The following DNAH14 variants were observed in gnomAD, a reference collection of about 807,000 sequenced individuals.
DNAH14 encodes axonemal beta dynein heavy chain 14.
DNAH14 carries 478 observed loss-of-function variants against 520.9 expected under a neutral mutation model. The observed-to-expected ratio is 0.92, with a 90% CI of 0.85 to 0.99. The LOEUF (loss-of-function observed/expected upper bound fraction) is 0.99, where lower values mean the gene tolerates loss of function less well. DNAH14 is among the 50% of genes least tolerant of loss of function. DNAH14 has a pLI of 0.00. For missense variants in DNAH14, 4,831 were observed against 5,234.5 expected, an observed-to-expected ratio of 0.92 and a Z score of 2.38; for synonymous variants, 1,581 against 1,757.2, an observed-to-expected ratio of 0.90 and a Z score of 2.51.
At chr1:225,031,672 G>A (rs538962009) in intron 11 of DNAH14, among the ~76,000 whole-genome samples, 9 of 83,850 alleles carry the variant, frequency 1.1e-4, no homozygotes, top group African/African-American at 2.3e-4. Context: ...CACTTCCATG[G>A]TACTGCTAAA....
At chr1:225,331,367 T>C in intron 64 of DNAH14, 70 bp from the exon 65 acceptor site, 2 of 1,434,172 alleles carry the variant, frequency 1.4e-6, no homozygotes, top group Middle Eastern at 2.0e-4. Context: ...TTTATATAAA[T>C]GACAGCTAAA....
At chr1:225,393,758 T>C (rs1181714591) in intron 84 of DNAH14, among the ~76,000 whole-genome samples, 1 of 152,158 alleles carries the variant, frequency 6.6e-6, no homozygotes, top group Non-Finnish European at 1.5e-5. Context: ...CACTCGGTAT[T>C]TTTAGTGTTT....
Position 224,945,256 on chromosome 1 carries a change from C to T in DNAH14, c.-33-7414C>T, listed in dbSNP as rs149090112. On this transcript the variant is annotated intron_variant, in intron 1 of 85. Coordinates refer to ENST00000682510, the MANE Select transcript of DNAH14 (RefSeq NM_001367479.1). ...ATTTCATTCATTTGATCTTCCATCA[C>T]GGATACTCTTCCTTCCAGTTGATCG... Among the ~76,000 whole-genome samples the T allele has an allele frequency of 2.1e-3, 323 of 152,234 alleles. 1 individual carries two copies. Among genetic ancestry groups the T allele is most frequent in the African/African-American group, 7.4e-3 (309 of 41,528 alleles).
At chr1:225,002,707 C>T (rs2063855587) in intron 8 of DNAH14, 76 bp from the exon 9 acceptor site, 1 of 1,362,728 alleles carries the variant, frequency 7.3e-7, no homozygotes, top group Admixed American at 2.3e-5. Flanking sequence ...ATTAACTAAA[C>T]CACACTACTT....
intron 44 of DNAH14, among the ~76,000 whole-genome samples, chr1:225,256,447 A>T (rs1452143556): frequency 6.6e-6 from 1 of 152,118 alleles, no homozygotes; most frequent in African/African-American, 2.4e-5. Context: ...ATAAATAAAT[A>T]AAATAAAATA....
chr1:225,120,390 T>C (rs143264825), intron 26 of DNAH14, among the ~76,000 whole-genome samples: 2,252 of 152,304 alleles, frequency 0.015, 24 homozygotes, highest in South Asian at 0.022. Flanking sequence ...AGGAAAAATT[T>C]TGGGAGGTTC....
chr1:225,393,976 A>G (rs565827449), intron 84 of DNAH14, among the ~76,000 whole-genome samples: 183 of 150,444 alleles, frequency 1.2e-3, no homozygotes, highest in East Asian at 0.011. Flanking sequence ...CCACCACCAC[A>G]CCCGGCTAAT....
At chr1:225,234,189 A>G (rs911322298) in intron 42 of DNAH14, among the ~76,000 whole-genome samples, 1 of 152,088 alleles carries the variant, frequency 6.6e-6, no homozygotes, top group Non-Finnish European at 1.5e-5. Context: ...TGGTTACTGT[A>G]GCCTTGTAGT....
intron 46 of DNAH14, among the ~76,000 whole-genome samples, chr1:225,260,249 G>C (rs1169347115): frequency 6.6e-6 from 1 of 151,852 alleles, no homozygotes; most frequent in Non-Finnish European, 1.5e-5. Context: ...CTACTCGGAA[G>C]ACTGAGGCAG....
At chr1:224,968,728 TA>T (rs1338074160) in intron 6 of DNAH14, 30 bp from the exon 7 acceptor site, 1 of 1,260,382 alleles carries the variant, frequency 7.9e-7, no homozygotes, top group Non-Finnish European at 1.1e-6. Flanking sequence ...TTTAAAGAAA[TA>T]AAATAATGCT....
chr1:225,278,430 G>A (rs368957931), intron 54 of DNAH14, among the ~76,000 whole-genome samples: 105 of 152,192 alleles, frequency 6.9e-4, no homozygotes, highest in Admixed American at 2.1e-3. Context: ...CAGCCACCAC[G>A]CTATTTAAGC....
intron 20 of DNAH14, among the ~76,000 whole-genome samples, chr1:225,083,131 A>G (rs756370830): frequency 6.6e-6 from 1 of 152,148 alleles, no homozygotes; most frequent in Non-Finnish European, 1.5e-5. Flanking sequence ...CTTAACATAT[A>G]TATAACTTGA....
intron 37 of DNAH14, among the ~76,000 whole-genome samples, chr1:225,191,529 G>T (rs1461765108): frequency 6.9e-6 from 1 of 144,086 alleles, no homozygotes; most frequent in African/African-American, 2.6e-5. Context: ...TATAATGTGT[G>T]GATCTCTTTG....
At chr1:225,393,218 G>T (rs985074518) in intron 84 of DNAH14, among the ~76,000 whole-genome samples, 1 of 152,158 alleles carries the variant, frequency 6.6e-6, no homozygotes, top group Non-Finnish European at 1.5e-5. Context: ...ACACCCACTA[G>T]GTTGGCTATA....
chr1:225,395,777 T>C (rs1462290075), intron 84 of DNAH14: 2 of 152,412 alleles, frequency 1.3e-5, no homozygotes, highest in Non-Finnish European at 1.5e-5. Flanking sequence ...GGTGCTTTCA[T>C]AGTTGCATTC....
chr1:225,215,161 A>G (rs1397994054), intron 41 of DNAH14, among the ~76,000 whole-genome samples: 1 of 151,806 alleles, frequency 6.6e-6, no homozygotes, highest in East Asian at 1.9e-4. Flanking sequence ...TCATTTCGTT[A>G]TATACCTAGT....
intron 76 of DNAH14, among the ~76,000 whole-genome samples, chr1:225,365,681 CTT>C (rs2095543798): frequency 6.6e-6 from 1 of 152,046 alleles, no homozygotes; most frequent in Non-Finnish European, 1.5e-5. Flanking sequence ...ACCCACAACT[CTT>C]AGTCTGAGAC....
intron 23 of DNAH14, among the ~76,000 whole-genome samples, chr1:225,103,939 T>C (rs889436931): frequency 1.3e-5 from 2 of 151,744 alleles, no homozygotes; most frequent in Non-Finnish European, 2.9e-5. Context: ...TGAATAGGAG[T>C]GGTGAGAGAG....
At chr1:224,970,246 C>G (rs2061425396) in intron 7 of DNAH14, among the ~76,000 whole-genome samples, 1 of 152,088 alleles carries the variant, frequency 6.6e-6, no homozygotes. Flanking sequence ...CGTAACGCTC[C>G]CAGGCTTATT....
Sources: gnomAD v4.1 joint callset for allele counts (sites outside exome capture counted in the v4.1 genomes callset) on GRCh38, gnomAD v4.1.1 for gene constraint, MANE v1.5 for transcripts, NCBI Gene and HGNC (gene_info 2026-07-23, HGNC 2026-07-21) for gene names.